Variants in NAALADL2 observed in about 807,000 individuals in gnomAD.
NAALADL2 encodes the protein inactive N-acetylated-alpha-linked acidic dipeptidase-like protein 2.
NAALADL2 carries 76 observed loss-of-function variants against 87.2 expected under a neutral mutation model. The ratio of observed to expected loss-of-function variants is 0.87; its 90% CI spans 0.72 to 1.05. The LOEUF is 1.05. NAALADL2 is among the 50% of genes least tolerant of loss of function. The pLI, the probability that NAALADL2 is intolerant of heterozygous loss-of-function variation, is 0.00. For synonymous variants in NAALADL2, 354 were observed against 331.0 expected, an observed-to-expected ratio of 1.07 and a Z score of -0.75; for missense variants, 1,089 against 945.8, an observed-to-expected ratio of 1.15 and a Z score of -1.99.
intron 2 of NAALADL2, among the ~76,000 whole-genome samples, chr3:175,141,452 A>G (rs1332167153): frequency 6.6e-6 from 1 of 152,130 alleles, no homozygotes; most frequent in East Asian, 1.9e-4. Flanking sequence ...AGAGAAGGTG[A>G]AGACAGGAGT....
intron 4 of NAALADL2, among the ~76,000 whole-genome samples, chr3:175,306,142 G>C (rs1289998219): frequency 6.6e-6 from 1 of 151,512 alleles, no homozygotes; most frequent in African/African-American, 2.4e-5. Context: ...TCATGATTTT[G>C]GGGTTTTCTT....
At chr3:174,652,386 G>A (rs568096687) in intron 2 of NAALADL2, among the ~76,000 whole-genome samples, 2 of 152,214 alleles carry the variant, frequency 1.3e-5, no homozygotes, top group South Asian at 2.1e-4. Flanking sequence ...ATTGCTATAC[G>A]GATATATCCA....
intron 2 of NAALADL2, among the ~76,000 whole-genome samples, chr3:174,683,269 A>T (rs1310205446): frequency 1.3e-5 from 2 of 152,148 alleles, no homozygotes; most frequent in Non-Finnish European, 2.9e-5. Flanking sequence ...TCTAGAAAGT[A>T]GCCTCAAAAG....
At chr3:174,945,936 A>C (rs113362521) in intron 1 of NAALADL2, among the ~76,000 whole-genome samples, 6,230 of 146,772 alleles carry the variant, frequency 0.042, 433 homozygotes, top group African/African-American at 0.14. Context: ...GTCCCAGCTG[A>C]TTGGGAGGCT....
At chr3:175,233,737 G>A (rs558386405) in intron 2 of NAALADL2, among the ~76,000 whole-genome samples, 194 bp from the exon 3 acceptor site, 2 of 152,232 alleles carry the variant, frequency 1.3e-5, no homozygotes, top group Non-Finnish European at 2.9e-5. Context: ...CACAAGGGCC[G>A]TCAGTTCTTA....
intron 11 of NAALADL2, among the ~76,000 whole-genome samples, chr3:175,714,501 A>G (rs529030058): frequency 1.3e-5 from 2 of 151,630 alleles, no homozygotes; most frequent in African/African-American, 2.4e-5. Flanking sequence ...GCTTTTTTTC[A>G]TTTGTTTTTT....
chr3:175,273,301 A>G (rs6798678), intron 4 of NAALADL2, among the ~76,000 whole-genome samples: 2 of 152,112 alleles, frequency 1.3e-5, no homozygotes, highest in Non-Finnish European at 1.5e-5. Context: ...GCCTACAGAC[A>G]TGACAAATTG....
chr3:175,167,600 A>G (rs780468141), intron 2 of NAALADL2, among the ~76,000 whole-genome samples: 4 of 152,194 alleles, frequency 2.6e-5, no homozygotes, highest in South Asian at 4.1e-4. Flanking sequence ...CAAAATGGCA[A>G]TAGATTCATA....
intron 2 of NAALADL2, among the ~76,000 whole-genome samples, chr3:175,105,602 A>G (rs1232773529): frequency 1.3e-5 from 2 of 149,644 alleles, no homozygotes; most frequent in Admixed American, 6.7e-5. Context: ...ATCCTAATCC[A>G]TGCTTTAGAA....
intron 5 of NAALADL2, among the ~76,000 whole-genome samples, chr3:175,326,382 C>T (rs1326554411): frequency 1.3e-5 from 2 of 151,990 alleles, no homozygotes; most frequent in African/African-American, 4.8e-5. Context: ...TTTTAAATAC[C>T]TCACCAGAAT....
At chr3:175,589,041 G>T (rs1720987218) in intron 10 of NAALADL2, among the ~76,000 whole-genome samples, 1 of 152,150 alleles carries the variant, frequency 6.6e-6, no homozygotes, top group South Asian at 2.1e-4. Flanking sequence ...AACATATTTA[G>T]ATATTTTTTG....
At chr3:175,056,099 G>A (rs1712099626) in intron 1 of NAALADL2, among the ~76,000 whole-genome samples, 1 of 151,996 alleles carries the variant, frequency 6.6e-6, no homozygotes, top group South Asian at 2.1e-4. Flanking sequence ...TAGTCACTGA[G>A]GCAACTACTT....
chr3:175,433,523 A>G (rs933017977), intron 5 of NAALADL2, among the ~76,000 whole-genome samples: 4 of 152,034 alleles, frequency 2.6e-5, no homozygotes, highest in African/African-American at 9.7e-5. Flanking sequence ...GCTTATTAAC[A>G]GGACCATTAG....
Position 174,649,837 on chromosome 3 carries a change from TAATA to T in NAALADL2, c.-114-87799_-114-87796del, listed in dbSNP as rs1724174594. 2.0e-5 allele frequency among the ~76,000 whole-genome samples: 3 copies of T among 152,266 alleles called. No individual in the cohort carries two copies. The South Asian group carries it at 6.2e-4, about 32-fold the overall frequency. ...TTCCTATTTCTTATATCTCTTTTGG[TAATA>T]AATAGTACATTGTTTTAGGCTGAGT... On this transcript the variant is annotated intron_variant, in intron 2 of 3. Transcript: ENST00000434257.
At chr3:174,901,420 T>C (rs572894447) in intron 1 of NAALADL2, among the ~76,000 whole-genome samples, 1 of 152,178 alleles carries the variant, frequency 6.6e-6, no homozygotes, top group African/African-American at 2.4e-5. Flanking sequence ...GATACGAAGG[T>C]GATTAACATG....
At chr3:174,858,354 G>A (rs2109519207), upstream of NAALADL2, among the ~76,000 whole-genome samples, 1 of 151,942 alleles carries the variant, frequency 6.6e-6, no homozygotes, top group South Asian at 2.1e-4. Flanking sequence ...TTAATTCTGT[G>A]ATATCTTTGC....
intron 3 of NAALADL2, among the ~76,000 whole-genome samples, chr3:174,766,703 T>G (rs938747415): frequency 3.3e-5 from 5 of 152,228 alleles, no homozygotes; most frequent in Middle Eastern, 3.2e-3. Context: ...GATTTAGAGT[T>G]CTACCTTTGC....
At chr3:174,788,986 A>T (rs1396030186) in intron 3 of NAALADL2, among the ~76,000 whole-genome samples, 2 of 152,224 alleles carry the variant, frequency 1.3e-5, no homozygotes, top group African/African-American at 4.8e-5. Flanking sequence ...TTTGTGTGAT[A>T]GGAAACAGAG....
At chr3:175,184,715 C>T (rs1157841449) in intron 2 of NAALADL2, among the ~76,000 whole-genome samples, 1 of 152,044 alleles carries the variant, frequency 6.6e-6, no homozygotes. Context: ...AAAGTCTTAG[C>T]TTTGGAGCAT....
Sources: allele counts gnomAD v4.1 joint callset (sites outside exome capture counted in the v4.1 genomes callset), GRCh38; gene constraint gnomAD v4.1.1; transcripts MANE v1.5; gene names NCBI Gene and HGNC (gene_info 2026-07-23, HGNC 2026-07-21).